The following HK1 variants were observed in gnomAD, a reference collection of about 807,000 sequenced individuals.
HK1 encodes the protein hexokinase 1.
A neutral mutation model predicts 91.6 loss-of-function variants in HK1; 28 were observed. The observed-to-expected ratio is 0.31, with a 90% CI of 0.23 to 0.42. HK1 has a LOEUF of 0.42. HK1 is among the 10% of genes least tolerant of loss of function. The pLI, the probability that HK1 is intolerant of heterozygous loss-of-function variation, is 1.00. For synonymous variants in HK1, 430 were observed against 468.1 expected (o/e 0.92, Z 1.05); for missense variants, 770 against 1,219.8 (o/e 0.63, Z 5.49).
Position 69,373,772 on chromosome 10 carries a change from A to G in HK1, c.876-3162A>G, listed in dbSNP as rs537136744. Among the ~76,000 whole-genome samples, 9 of 151,608 alleles carry G rather than the reference A, an allele frequency of 5.9e-5. No homozygotes were observed. The East Asian group carries it at 1.4e-3, about 23-fold the overall frequency. ...GCCTGGCTAATTTTAAAATTTTTTTATAGAGACTGGGTCTCCCTATGTTGC... is the reference window on the plus strand; with the variant it reads ...GCCTGGCTAATTTTAAAATTTTTTTGTAGAGACTGGGTCTCCCTATGTTGC... On this transcript the variant is annotated intron_variant, in intron 7 of 17. Coordinates refer to ENST00000359426, the MANE Select transcript of HK1 (RefSeq NM_000188.3).
At chr10:69,303,830 A>G (rs1845986352) in intron 5 of HK1, among the ~76,000 whole-genome samples, 1 of 152,242 alleles carries the variant, frequency 6.6e-6, no homozygotes, top group African/African-American at 2.4e-5. Flanking sequence ...CTATTACTCA[A>G]ATCAGTCTCC....
chr10:69,276,729 CATA>C (rs1024154707), intron 1 of HK1, among the ~76,000 whole-genome samples: 12 of 149,662 alleles, frequency 8.0e-5, no homozygotes, highest in South Asian at 2.1e-4. Flanking sequence ...TATTAATTAA[CATA>C]ATAATTAAAC....
At chr10:69,382,324 G>A (rs1184741097) in intron 9 of HK1, among the ~76,000 whole-genome samples, 163 bp from the exon 10 acceptor site, 1 of 152,166 alleles carries the variant, frequency 6.6e-6, no homozygotes, top group African/African-American at 2.4e-5. Context: ...GCAGTGAGCT[G>A]TGATTGTGCC....
At chr10:69,387,947 A>C (rs1286956983) in intron 13 of HK1, among the ~76,000 whole-genome samples, 1 of 152,176 alleles carries the variant, frequency 6.6e-6, no homozygotes, top group Non-Finnish European at 1.5e-5. Context: ...AAACAAAACA[A>C]AACAGAACAC....
At chr10:69,344,962 C>T (rs1589516546) in intron 2 of HK1, among the ~76,000 whole-genome samples, 1 of 152,082 alleles carries the variant, frequency 6.6e-6, no homozygotes, top group Non-Finnish European at 1.5e-5. Flanking sequence ...CTTTCACACA[C>T]CCCTGCGATT....
chr10:69,337,562 C>T (rs917430720), intron 1 of HK1, among the ~76,000 whole-genome samples: 9 of 152,202 alleles, frequency 5.9e-5, no homozygotes, highest in Admixed American at 2.0e-4. Flanking sequence ...TTAATAAGCA[C>T]CCAGGACCCG....
intron 13 of HK1, among the ~76,000 whole-genome samples, chr10:69,387,009 C>G (rs1263869391): frequency 6.6e-6 from 1 of 151,950 alleles, no homozygotes; most frequent in African/African-American, 2.4e-5. Flanking sequence ...CAGGTGGGCA[C>G]AGCCTGGCAC....
At chr10:69,293,496 A>G (rs758837687) in intron 3 of HK1, among the ~76,000 whole-genome samples, 11 of 152,236 alleles carry the variant, frequency 7.2e-5, no homozygotes, top group Non-Finnish European at 1.5e-4. Context: ...TCTCTGTATC[A>G]GCCAGCTTTT....
At chr10:69,379,811 C>A in intron 8 of HK1, 51 bp from the exon 9 acceptor site, 1 of 1,312,252 alleles carries the variant, frequency 7.6e-7, no homozygotes, top group Non-Finnish European at 1.1e-6. Context: ...CAGTGCTTTG[C>A]ACTGCCTCAT....
upstream of HK1, among the ~76,000 whole-genome samples, chr10:69,318,553 G>A (rs562811975): frequency 3.0e-4 from 45 of 152,294 alleles, no homozygotes; most frequent in African/African-American, 1.1e-3. Flanking sequence ...CGCCACGCGT[G>A]AAGGCCCGCA....
At chr10:69,280,515 G>A (rs1312831779) in intron 1 of HK1, among the ~76,000 whole-genome samples, 1 of 152,186 alleles carries the variant, frequency 6.6e-6, no homozygotes, top group Non-Finnish European at 1.5e-5. Context: ...ATTCATAATT[G>A]AAACCTAATC....
At chr10:69,283,401 C>A (rs565758390) in intron 2 of HK1, among the ~76,000 whole-genome samples, 8 of 145,332 alleles carry the variant, frequency 5.5e-5, no homozygotes, top group Admixed American at 3.4e-4. Flanking sequence ...CTGTAGTGAG[C>A]CCATGATCGC....
At chr10:69,361,978 T>A (rs989164577) in intron 3 of HK1, among the ~76,000 whole-genome samples, 12 of 152,126 alleles carry the variant, frequency 7.9e-5, no homozygotes, top group Non-Finnish European at 1.5e-4. Context: ...CCACCACACC[T>A]GACTAATTTT....
chr10:69,299,527 C>T (rs1845744177), intron 4 of HK1, among the ~76,000 whole-genome samples: 1 of 151,496 alleles, frequency 6.6e-6, no homozygotes, highest in Non-Finnish European at 1.5e-5. Flanking sequence ...CCACCAGGCC[C>T]AGCTAATTTT....
chr10:69,298,090 A>C (rs1382455571), intron 4 of HK1, among the ~76,000 whole-genome samples: 1 of 150,602 alleles, frequency 6.6e-6, no homozygotes, highest in African/African-American at 2.5e-5. Flanking sequence ...AGGCACCTGT[A>C]ATCCCAGCTA....
At position 69,357,626 on chromosome 10, in the gene HK1, T is replaced by C. The variant is rs890057728; in HGVS notation, c.227-2271T>C. On this transcript the variant is annotated intron_variant, in intron 2 of 17. Transcript: ENST00000359426. ...CACCATGCCCATCTAATCTTTTTTG[T>C]GTTTTTGGTAGAGACAGGGGCTCGC... Among the ~76,000 whole-genome samples, 6 of 152,046 alleles carry C rather than the reference T, an allele frequency of 3.9e-5. No homozygotes were observed. The South Asian group carries it at 8.3e-4, about 21-fold the overall frequency.
Position 69,392,114 on chromosome 10 carries a change from G to C in HK1, c.2036-11G>C. 6.2e-7 allele frequency: 1 copy of C among 1,614,072 alleles called. No individual in the cohort carries two copies. Among genetic ancestry groups the C allele is most frequent in the Non-Finnish European group, 8.5e-7 (1 of 1,180,012 alleles). ...GGCCACCGCTCCTCATTGCCCCCTC[G>C]TGTGTTCCAGGGACCGGCAGCAATG... On this transcript the variant is annotated splice_polypyrimidine_tract_variant and intron_variant, in intron 14 of 17. Transcript: ENST00000359426.
chr10:69,373,156 C>A (rs1176476566), intron 7 of HK1, among the ~76,000 whole-genome samples: 1 of 152,170 alleles, frequency 6.6e-6, no homozygotes. Context: ...GACGTGAGCC[C>A]CCGTGCCCAG....
chr10:69,347,681 G>A (rs1306808616), intron 2 of HK1, among the ~76,000 whole-genome samples: 21 of 152,104 alleles, frequency 1.4e-4, no homozygotes, highest in Middle Eastern at 6.8e-3. Context: ...TGATCTGCCC[G>A]CCTTGGCCCC....
Sources: allele counts gnomAD v4.1 joint callset (sites outside exome capture counted in the v4.1 genomes callset), GRCh38; gene constraint gnomAD v4.1.1; transcripts MANE v1.5; gene names NCBI Gene and HGNC (gene_info 2026-07-23, HGNC 2026-07-21).